Variants in GRM7 observed in about 807,000 individuals in gnomAD.
The protein encoded by GRM7 is metabotropic glutamate receptor 7.
Under a neutral mutation model 84.5 loss-of-function variants are expected in GRM7, and 35 were observed. That is an observed-to-expected ratio of 0.41 (90% CI 0.32 to 0.55). The LOEUF is 0.55. Among genes scored for constraint, GRM7 ranks in the 20% least tolerant of loss-of-function variants. The pLI, the probability that GRM7 is intolerant of heterozygous loss-of-function variation, is 0.19. For missense variants in GRM7, 1,003 were observed against 1,194.6 expected, an observed-to-expected ratio of 0.84 and a Z score of 2.36; for synonymous variants, 487 against 455.1, an observed-to-expected ratio of 1.07 and a Z score of -0.89.
intron 7 of GRM7, among the ~76,000 whole-genome samples, chr3:7,484,477 T>A (rs1027043500): frequency 1.3e-5 from 2 of 152,202 alleles, no homozygotes; most frequent in African/African-American, 4.8e-5. Context: ...AGTGTGAGAG[T>A]ATGTTTCTTC....
chr3:7,051,771 C>T (rs1205716516), intron 1 of GRM7, among the ~76,000 whole-genome samples: 1 of 151,652 alleles, frequency 6.6e-6, no homozygotes, highest in African/African-American at 2.4e-5. Context: ...TGCAGTAGTT[C>T]CTATTGATTT....
At chr3:7,069,819 G>A (rs1453770742) in intron 1 of GRM7, among the ~76,000 whole-genome samples, 1 of 152,042 alleles carries the variant, frequency 6.6e-6, no homozygotes, top group Non-Finnish European at 1.5e-5. Context: ...GAGCAACATG[G>A]TATACTCTGG....
intron 1 of GRM7, among the ~76,000 whole-genome samples, chr3:6,999,049 T>G (rs559105235): frequency 1.1e-4 from 16 of 152,334 alleles, no homozygotes; most frequent in Non-Finnish European, 2.1e-4. Context: ...TTTTCTTTTC[T>G]ATTGCATTGT....
At chr3:6,926,723 G>A (rs893986210) in intron 1 of GRM7, among the ~76,000 whole-genome samples, 6 of 152,188 alleles carry the variant, frequency 3.9e-5, no homozygotes, top group African/African-American at 1.4e-4. Context: ...GGTTGAGTTA[G>A]TGTCCCCTGA....
intron 5 of GRM7, among the ~76,000 whole-genome samples, chr3:7,424,306 A>G (rs1004255315): frequency 6.6e-6 from 1 of 152,070 alleles, no homozygotes; most frequent in Non-Finnish European, 1.5e-5. Context: ...CCAAAAAAAA[A>G]AGGAAAAAGA....
At chr3:7,402,143 G>T (rs1174367419) in intron 4 of GRM7, among the ~76,000 whole-genome samples, 2 of 152,062 alleles carry the variant, frequency 1.3e-5, no homozygotes, top group African/African-American at 4.8e-5. Context: ...AGCAACTCCT[G>T]AGTTTACATC....
At chr3:7,597,692 T>C (rs1325271965) in intron 8 of GRM7, among the ~76,000 whole-genome samples, 2 of 152,156 alleles carry the variant, frequency 1.3e-5, no homozygotes, top group Non-Finnish European at 2.9e-5. Context: ...CATTTTTGGT[T>C]TGTTTGTTTC....
chr3:7,191,487 TAATAGTAAA>T (rs975304846), intron 2 of GRM7, among the ~76,000 whole-genome samples: 15 of 152,018 alleles, frequency 9.9e-5, no homozygotes, highest in Non-Finnish European at 2.2e-4. Context: ...GTGTTTTTTA[TAATAGTAAA>T]AACTGGAAAT....
intron 7 of GRM7, among the ~76,000 whole-genome samples, chr3:7,494,738 C>T (rs1699640687): frequency 6.6e-6 from 1 of 152,120 alleles, no homozygotes; most frequent in African/African-American, 2.4e-5. Context: ...GCCCATCCAG[C>T]CAATATTTTT....
At chr3:7,273,915 A>G (rs1462077463) in intron 2 of GRM7, among the ~76,000 whole-genome samples, 2 of 151,178 alleles carry the variant, frequency 1.3e-5, no homozygotes, top group African/African-American at 4.9e-5. Flanking sequence ...ACTGTTTTTT[A>G]TTTGTTGCCC....
intron 7 of GRM7, among the ~76,000 whole-genome samples, chr3:7,480,682 T>C (rs750125925): frequency 2.6e-5 from 4 of 152,336 alleles, no homozygotes; most frequent in Middle Eastern, 6.8e-3. Context: ...TATTGCAGAT[T>C]TGAATTGTGG....
chr3:7,075,453 C>T (rs1478742684), intron 1 of GRM7, among the ~76,000 whole-genome samples: 1 of 150,212 alleles, frequency 6.7e-6, no homozygotes, highest in Non-Finnish European at 1.5e-5. Flanking sequence ...TGGATAAGTT[C>T]CTTTTCAACT....
intron 1 of GRM7, 45 bp from the exon 2 acceptor site, chr3:7,146,407 C>G (rs921752259): frequency 1.5e-6 from 2 of 1,369,636 alleles, no homozygotes; most frequent in East Asian, 2.3e-5. Flanking sequence ...GAGTCTCTTA[C>G]ATCCTGACGG....
intron 8 of GRM7, among the ~76,000 whole-genome samples, chr3:7,637,816 C>G (rs371615520): frequency 6.6e-6 from 1 of 152,206 alleles, no homozygotes; most frequent in East Asian, 1.9e-4. Context: ...AAGACACAGA[C>G]TGGCAGGCTG....
intron 8 of GRM7, among the ~76,000 whole-genome samples, chr3:7,585,171 G>T (rs140074989): frequency 6.6e-6 from 1 of 152,298 alleles, no homozygotes; most frequent in African/African-American, 2.4e-5. Flanking sequence ...AACTCATACT[G>T]GTTGTTGAGG....
chr3:7,374,381 G>T lies in GRM7; in HGVS notation c.1034-40642G>T, dbSNP rs989539789. Among the ~76,000 whole-genome samples the T allele has an allele frequency of 3.3e-5, 5 of 152,126 alleles. No individual in the cohort carries two copies. The East Asian group carries it at 9.7e-4, about 29-fold the overall frequency. ...TTTTATTGAGGCCACACCTCGCTTT[G>T]TTGCCCAGGCTGGTCTAGAACTCCT... is the stretch of plus-strand genomic sequence containing the variant. On this transcript the variant is annotated intron_variant, in intron 4 of 9. Transcript: ENST00000357716.
chr3:7,044,373 G>C (rs1696729947), intron 1 of GRM7, among the ~76,000 whole-genome samples: 1 of 152,130 alleles, frequency 6.6e-6, no homozygotes, highest in Non-Finnish European at 1.5e-5. Context: ...GAAGGAAAAT[G>C]CTAATGGAAT....
At chr3:6,891,624 C>G (rs1414529010) in intron 1 of GRM7, among the ~76,000 whole-genome samples, 2 of 152,180 alleles carry the variant, frequency 1.3e-5, no homozygotes, top group South Asian at 2.1e-4. Flanking sequence ...ATGGGCTTCC[C>G]TTTGTGGGTA....
chr3:7,421,916 T>TAAAAG, intron 5 of GRM7, among the ~76,000 whole-genome samples: 1 of 78,822 alleles, frequency 1.3e-5, no homozygotes, highest in African/African-American at 4.5e-5. Context: ...CTACAAACAG[T>TAAAAG]AAAAAAAAAA....
Sources: allele counts gnomAD v4.1 joint callset (sites outside exome capture counted in the v4.1 genomes callset), GRCh38; gene constraint gnomAD v4.1.1; transcripts MANE v1.5; gene names NCBI Gene and HGNC (gene_info 2026-07-23, HGNC 2026-07-21).